KCNMA1: variants seen among roughly 807,000 people sequenced by gnomAD.
KCNMA1 encodes Calcium-activated potassium channel subunit alpha-1.
Under a neutral mutation model 140.0 loss-of-function variants are expected in KCNMA1, and 29 were observed. The observed-to-expected ratio is 0.21, with a 90% CI of 0.15 to 0.28. The LOEUF (loss-of-function observed/expected upper bound fraction) is 0.28. KCNMA1 is among the 10% of genes least tolerant of loss of function. KCNMA1 has a pLI of 1.00. For missense variants in KCNMA1, 880 were observed against 1,602.2 expected (o/e 0.55, Z 7.70); for synonymous variants, 612 against 611.9 (o/e 1.00, Z 0.00).
intron 5 of KCNMA1, among the ~76,000 whole-genome samples, chr10:77,144,763 A>C (rs1034726887): frequency 3.3e-5 from 5 of 152,142 alleles, no homozygotes; most frequent in African/African-American, 9.7e-5. Context: ...TCCAGTGGGC[A>C]GTATGGCATG....
At chr10:77,268,273 G>T (rs769536501) in intron 2 of KCNMA1, among the ~76,000 whole-genome samples, 1 of 152,066 alleles carries the variant, frequency 6.6e-6, no homozygotes, top group Non-Finnish European at 1.5e-5. Flanking sequence ...ACCAGCAGGC[G>T]AACGACAATG....
intron 1 of KCNMA1, among the ~76,000 whole-genome samples, chr10:77,575,512 T>C (rs2073745102): frequency 6.6e-6 from 1 of 152,190 alleles, no homozygotes; most frequent in African/African-American, 2.4e-5. Context: ...GCCCACTTTC[T>C]GGTGTGCCTT....
intron 2 of KCNMA1, among the ~76,000 whole-genome samples, chr10:77,306,908 A>G (rs905890280): frequency 6.6e-6 from 1 of 152,200 alleles, no homozygotes; most frequent in African/African-American, 2.4e-5. Context: ...GGCACTTGCA[A>G]ATGCTTTGAA....
chr10:77,155,742 C>T (rs551578115), intron 5 of KCNMA1, among the ~76,000 whole-genome samples: 12 of 152,216 alleles, frequency 7.9e-5, no homozygotes, highest in African/African-American at 2.9e-4. Flanking sequence ...GAGTACTGAA[C>T]ACTTTAAAAT....
At chr10:77,033,219 T>C (rs1334828064) in intron 15 of KCNMA1, among the ~76,000 whole-genome samples, 1 of 152,192 alleles carries the variant, frequency 6.6e-6, no homozygotes, top group African/African-American at 2.4e-5. Context: ...TCAGGAGCTT[T>C]AATTTAAAAT....
chr10:77,114,031 A>G (rs2097390121), intron 6 of KCNMA1, among the ~76,000 whole-genome samples: 2 of 152,212 alleles, frequency 1.3e-5, no homozygotes, highest in South Asian at 4.1e-4. Flanking sequence ...AGGATATCCC[A>G]GCCCAATGAC....
chr10:77,339,259 C>T (rs187101551), intron 2 of KCNMA1, among the ~76,000 whole-genome samples: 1 of 152,168 alleles, frequency 6.6e-6, no homozygotes, highest in Non-Finnish European at 1.5e-5. Context: ...TCTCTTGTGT[C>T]TCTTCCAAAT....
chr10:77,058,452 A>G (rs1371345681), intron 14 of KCNMA1, among the ~76,000 whole-genome samples: 3 of 152,102 alleles, frequency 2.0e-5, no homozygotes, highest in Non-Finnish European at 4.4e-5. Context: ...ACAATAGCAG[A>G]ATATACATTC....
At chr10:77,491,849 C>T (rs1313126700) in intron 1 of KCNMA1, among the ~76,000 whole-genome samples, 1 of 152,080 alleles carries the variant, frequency 6.6e-6, no homozygotes, top group Non-Finnish European at 1.5e-5. Flanking sequence ...ATTAGCCATT[C>T]GGTTATTTTT....
intron 1 of KCNMA1, among the ~76,000 whole-genome samples, chr10:77,546,976 G>A (rs947840319): frequency 6.6e-6 from 1 of 152,120 alleles, no homozygotes; most frequent in African/African-American, 2.4e-5. Flanking sequence ...TACAATTAAT[G>A]GCACATGGTC....
intron 3 of KCNMA1, among the ~76,000 whole-genome samples, chr10:77,210,160 C>A (rs181157243): frequency 6.3e-4 from 96 of 152,216 alleles, no homozygotes; most frequent in Non-Finnish European, 1.1e-3. Context: ...ATGCAAAAAT[C>A]CTCAATAAAA....
chr10:77,390,173 T>C (rs1269281804), intron 2 of KCNMA1, among the ~76,000 whole-genome samples: 2 of 152,164 alleles, frequency 1.3e-5, no homozygotes, highest in Admixed American at 6.5e-5. Context: ...CCCCTCTATT[T>C]ATGGAGATGC....
At chr10:77,564,625 C>G (rs1368918333) in intron 1 of KCNMA1, among the ~76,000 whole-genome samples, 1 of 152,158 alleles carries the variant, frequency 6.6e-6, no homozygotes, top group Non-Finnish European at 1.5e-5. Context: ...TGATTTCATG[C>G]ATGCCCCTTC....
intron 1 of KCNMA1, among the ~76,000 whole-genome samples, chr10:77,443,065 G>A (rs377404164): frequency 6.6e-6 from 1 of 152,144 alleles, no homozygotes; most frequent in Non-Finnish European, 1.5e-5. Context: ...TGACACCCAC[G>A]ATCCAGGGTG....
chr10:77,183,688 T>C (rs1339033282), intron 4 of KCNMA1, among the ~76,000 whole-genome samples, 156 bp from the exon 5 acceptor site: 3 of 152,180 alleles, frequency 2.0e-5, no homozygotes, highest in Non-Finnish European at 4.4e-5. Flanking sequence ...GATTTCACCA[T>C]GTTGGCCAGG....
At chr10:77,076,176 G>GGA (rs1555206608) in intron 13 of KCNMA1, among the ~76,000 whole-genome samples, 1 of 150,726 alleles carries the variant, frequency 6.6e-6, no homozygotes, top group Non-Finnish European at 1.5e-5. Flanking sequence ...GTGGACAGTG[G>GGA]AAAAAAAAAG....
rs1332177575 is a variant in KCNMA1, at chr10:77,634,935, G to GT, written c.378+2329dup. ...CTTAAGTGAGCAAATCTAGGGGCAG[G>GT]TATCAAGAGATTCTAGGTGTGCTTT... On this transcript the variant is annotated intron_variant, in intron 1 of 27. Coordinates refer to ENST00000286628, the MANE Select transcript of KCNMA1 (RefSeq NM_001161352.2). 2.6e-5 allele frequency: 4 copies of GT among 152,260 alleles called. No homozygotes were observed. In the East Asian group the frequency reaches 7.7e-4, roughly 29 times the overall value. The allele number at this position is 152,260 out of a possible 1,614,324, so 9.4% of individuals were successfully genotyped here. A position where few individuals can be genotyped will look rare whatever the true frequency, so the allele number is the denominator to read the frequency against.
At chr10:77,244,994 C>G (rs747311829) in intron 3 of KCNMA1, among the ~76,000 whole-genome samples, 1 of 152,052 alleles carries the variant, frequency 6.6e-6, no homozygotes, top group Non-Finnish European at 1.5e-5. Context: ...CTTGAACTTT[C>G]CCTACCCATA....
At chr10:77,380,176 A>T (rs1259723739) in intron 2 of KCNMA1, among the ~76,000 whole-genome samples, 1 of 152,218 alleles carries the variant, frequency 6.6e-6, no homozygotes, top group Non-Finnish European at 1.5e-5. Flanking sequence ...AAGTTCTTTC[A>T]TGTGCATCTA....
Sources: gnomAD v4.1 joint callset for allele counts (sites outside exome capture counted in the v4.1 genomes callset) on GRCh38, gnomAD v4.1.1 for gene constraint, MANE v1.5 for transcripts, NCBI Gene and HGNC (gene_info 2026-07-23, HGNC 2026-07-21) for gene names.